The following HCRTR2 variants were observed in gnomAD, a reference collection of about 807,000 sequenced individuals.
The protein encoded by HCRTR2 is orexin receptor type 2.
A neutral mutation model predicts 49.0 loss-of-function variants in HCRTR2; 22 were observed. The observed-to-expected ratio is 0.45, with a 90% CI of 0.32 to 0.64. The LOEUF (loss-of-function observed/expected upper bound fraction) is 0.64, where lower values mean the gene tolerates loss of function less well. Among genes scored for constraint, HCRTR2 ranks in the 30% least tolerant of loss-of-function variants. HCRTR2 has a pLI of 0.04. For synonymous variants in HCRTR2, 236 were observed against 205.3 expected, an observed-to-expected ratio of 1.15 and a Z score of -1.28; for missense variants, 491 against 559.4, an observed-to-expected ratio of 0.88 and a Z score of 1.23.
intron 1 of HCRTR2, among the ~76,000 whole-genome samples, chr6:55,199,272 T>C (rs2127283047): frequency 6.6e-6 from 1 of 152,104 alleles, no homozygotes; most frequent in African/African-American, 2.4e-5. Context: ...TTTTGTTTTT[T>C]TTTTTAATGC....
At chr6:55,230,171 AC>A (rs1174270339) in intron 1 of HCRTR2, among the ~76,000 whole-genome samples, 1 of 152,200 alleles carries the variant, frequency 6.6e-6, no homozygotes, top group Non-Finnish European at 1.5e-5. Flanking sequence ...TAGACTGAGA[AC>A]TTTAAATAAC....
At chr6:55,271,848 G>C (rs2127327170) in intron 4 of HCRTR2, among the ~76,000 whole-genome samples, 1 of 152,190 alleles carries the variant, frequency 6.6e-6, no homozygotes, top group East Asian at 1.9e-4. Context: ...GGATAGATTT[G>C]TTTTAAAAGG....
At position 55,238,420 on chromosome 6, in the gene HCRTR2, T is replaced by C. The variant is rs557634759; in HGVS notation, c.224-10219T>C. 2.0e-5 allele frequency among the ~76,000 whole-genome samples: 3 copies of C among 152,314 alleles called. No individual in the cohort carries two copies. In the South Asian group the frequency reaches 6.2e-4, roughly 32 times the overall value. ...CATAAAGACATATATTTTCCACATA[T>C]TCCGCCTAAGTAATCTTTGAAAAAT... On this transcript the variant is annotated intron_variant, in intron 1 of 6. Coordinates refer to ENST00000370862, the MANE Select transcript of HCRTR2 (RefSeq NM_001384272.1).
chr6:55,118,972 G>A (rs1764157923), intron 1 of HCRTR2, among the ~76,000 whole-genome samples: 1 of 151,730 alleles, frequency 6.6e-6, no homozygotes, highest in Admixed American at 6.6e-5. Flanking sequence ...AGTGTGTGAT[G>A]TTTCCCTCCC....
intron 3 of HCRTR2, among the ~76,000 whole-genome samples, chr6:55,261,302 A>G (rs28693897): frequency 0.3 from 45,355 of 152,118 alleles, 6,953 homozygotes; most frequent in African/African-American, 0.33. Context: ...AATTCTCAAA[A>G]GAAGGTATAC....
At chr6:55,140,197 C>T (rs1764488324) in intron 1 of HCRTR2, among the ~76,000 whole-genome samples, 2 of 152,102 alleles carry the variant, frequency 1.3e-5, no homozygotes, top group Admixed American at 1.3e-4. Context: ...CAGATATCTC[C>T]CACAATCTCC....
upstream of HCRTR2, chr6:55,174,421 C>G (rs201539986): frequency 5.9e-6 from 4 of 679,044 alleles, no homozygotes; most frequent in African/African-American, 1.8e-5. Context: ...AGAAGTTGCC[C>G]GGCAGAAGAC....
At chr6:55,171,044 G>A (rs1764943027), upstream of HCRTR2, among the ~76,000 whole-genome samples, 1 of 151,988 alleles carries the variant, frequency 6.6e-6, no homozygotes, top group African/African-American at 2.4e-5. Context: ...ATAAACATAT[G>A]TGTGCATGTG....
chr6:55,256,194 T>C (rs1296259848), intron 3 of HCRTR2, among the ~76,000 whole-genome samples: 1 of 152,064 alleles, frequency 6.6e-6, no homozygotes, highest in Non-Finnish European at 1.5e-5. Context: ...GATTCCAATA[T>C]ATCATATGAA....
rs543581546 is a variant in HCRTR2, at chr6:55,199,695, G to GA, written c.223+24892dup. Among the ~76,000 whole-genome samples the GA allele has an allele frequency of 6.1e-3, 932 of 151,914 alleles. 3 individuals are homozygous for GA. Among genetic ancestry groups the GA allele is most frequent in the South Asian group, 0.016 (79 of 4,818 alleles). On this transcript the variant is annotated intron_variant, in intron 1 of 6. Coordinates refer to ENST00000370862, the MANE Select transcript of HCRTR2 (RefSeq NM_001384272.1). ...AAAATAATTACATTTGTTTAATTTC[G>GA]AAAAAAATATTAACAAGAAGTTGTA...
At chr6:55,133,850 G>A (rs538654337) in intron 1 of HCRTR2, among the ~76,000 whole-genome samples, 1 of 151,698 alleles carries the variant, frequency 6.6e-6, no homozygotes, top group Admixed American at 6.6e-5. Context: ...GAACCTATAT[G>A]GCTGTTTTTC....
intron 1 of HCRTR2, among the ~76,000 whole-genome samples, chr6:55,121,406 C>T (rs910613527): frequency 1.3e-5 from 2 of 152,128 alleles, no homozygotes; most frequent in African/African-American, 4.8e-5. Context: ...GATATACAAT[C>T]ATGTCATCTG....
chr6:55,268,421 A>T (rs1421375738), intron 4 of HCRTR2, among the ~76,000 whole-genome samples: 1 of 152,090 alleles, frequency 6.6e-6, no homozygotes, highest in African/African-American at 2.4e-5. Flanking sequence ...TAATAGATAA[A>T]AACCAACCAA....
At chr6:55,175,896 C>T (rs1765031219) in intron 1 of HCRTR2, among the ~76,000 whole-genome samples, 1 of 151,958 alleles carries the variant, frequency 6.6e-6, no homozygotes, top group Admixed American at 6.6e-5. Flanking sequence ...ATGCAGAGGG[C>T]AGTGTGGAGG....
intron 1 of HCRTR2, among the ~76,000 whole-genome samples, chr6:55,200,074 C>T (rs1239052901): frequency 1.3e-5 from 2 of 152,202 alleles, no homozygotes; most frequent in Non-Finnish European, 2.9e-5. Context: ...CTCCACCTAT[C>T]AGACCCACCC....
intron 1 of HCRTR2, among the ~76,000 whole-genome samples, chr6:55,175,724 G>A (rs896403814): frequency 7.2e-5 from 11 of 152,200 alleles, no homozygotes; most frequent in African/African-American, 2.6e-4. Context: ...GAGGGGGTGA[G>A]ATGGCAACAT....
At chr6:55,175,779 C>T (rs1358130786) in intron 1 of HCRTR2, among the ~76,000 whole-genome samples, 1 of 151,912 alleles carries the variant, frequency 6.6e-6, no homozygotes, top group Non-Finnish European at 1.5e-5. Flanking sequence ...GGGGAATATA[C>T]CTCCAGAAAA....
intron 1 of HCRTR2, among the ~76,000 whole-genome samples, chr6:55,126,363 C>T (rs1240706436): frequency 6.6e-6 from 1 of 152,172 alleles, no homozygotes; most frequent in Non-Finnish European, 1.5e-5. Flanking sequence ...GGCCCCTCTT[C>T]AGCAGGTCTG....
chr6:55,200,155 T>C lies in HCRTR2; in HGVS notation c.223+25345T>C, dbSNP rs188864312. 1.4e-4 allele frequency among the ~76,000 whole-genome samples: 22 copies of C among 152,302 alleles called. No individual in the cohort carries two copies. In the East Asian group the frequency reaches 3.9e-3, roughly 27 times the overall value. On this transcript the variant is annotated intron_variant, in intron 1 of 6. Coordinates refer to ENST00000370862, the MANE Select transcript of HCRTR2 (RefSeq NM_001384272.1). ...GAATTTATAGCCGAATCTAGAAATCTTTCACTATAATTTATCTTTCCTTAA... is the reference window on the plus strand; with the variant it reads ...GAATTTATAGCCGAATCTAGAAATCCTTCACTATAATTTATCTTTCCTTAA...
Sources: gnomAD v4.1 joint callset for allele counts (sites outside exome capture counted in the v4.1 genomes callset) on GRCh38, gnomAD v4.1.1 for gene constraint, MANE v1.5 for transcripts, NCBI Gene and HGNC (gene_info 2026-07-23, HGNC 2026-07-21) for gene names.